PRKCB: variants seen among roughly 807,000 people sequenced by gnomAD.
PRKCB encodes protein kinase C beta, also known as protein kinase C beta type.
In PRKCB, 13 loss-of-function variants were observed where a neutral mutation model predicts 81.5. That is an observed-to-expected ratio of 0.16 (90% CI 0.10 to 0.25). The LOEUF (loss-of-function observed/expected upper bound fraction) is 0.25, where lower values mean the gene tolerates loss of function less well. Ranked by LOEUF, PRKCB falls within the 10% of genes least tolerant of loss-of-function variation. PRKCB has a pLI of 1.00. For synonymous variants in PRKCB, 335 were observed against 321.4 expected (o/e 1.04, Z -0.45); for missense variants, 509 against 875.7 (o/e 0.58, Z 5.29).
At chr16:24,212,453 T>A (rs1968155145) in intron 16 of PRKCB, among the ~76,000 whole-genome samples, 1 of 146,728 alleles carries the variant, frequency 6.8e-6, no homozygotes, top group Non-Finnish European at 1.5e-5. Context: ...CTCCTGTGCT[T>A]TTTTTTCCTT....
At chr16:24,110,132 A>AGAGGGAGAG (rs1234981446) in intron 7 of PRKCB, among the ~76,000 whole-genome samples, 2,847 of 38,722 alleles carry the variant, frequency 0.074, 32 homozygotes, top group Non-Finnish European at 0.1. Context: ...AGGGAGAGGG[A>AGAGGGAGAG]GAGGGAGAGG....
intron 10 of PRKCB, among the ~76,000 whole-genome samples, chr16:24,170,626 C>T (rs1345691552): frequency 6.6e-6 from 1 of 152,196 alleles, no homozygotes; most frequent in Non-Finnish European, 1.5e-5. Flanking sequence ...ATTGGTGTTG[C>T]CCAAGGGCCA....
At chr16:23,984,277 A>G (rs1476707361) in intron 2 of PRKCB, among the ~76,000 whole-genome samples, 2 of 152,222 alleles carry the variant, frequency 1.3e-5, no homozygotes, top group African/African-American at 4.8e-5. Flanking sequence ...AGTTCTGACA[A>G]CACCACTGTG....
chr16:23,875,543 T>C (rs1290904318), intron 2 of PRKCB, among the ~76,000 whole-genome samples: 2 of 52,840 alleles, frequency 3.8e-5, no homozygotes, highest in African/African-American at 7.9e-5. Context: ...ATCACACACA[T>C]ATGTATGTAT....
intron 7 of PRKCB, 30 bp downstream of exon 7, chr16:24,094,327 A>G (rs768076316): frequency 1.4e-5 from 22 of 1,610,210 alleles, no homozygotes; most frequent in Non-Finnish European, 1.8e-5. Flanking sequence ...GAAAGCTACC[A>G]TACAGCTTGC....
intron 3 of PRKCB, among the ~76,000 whole-genome samples, chr16:24,013,781 C>CAAAAAAAAA (rs35383807): frequency 7.2e-6 from 1 of 138,036 alleles, no homozygotes. Context: ...TGTGGAATTG[C>CAAAAAAAAA]AAAAAAAAAA....
chr16:24,193,464 T>TAAAAA (rs1555501771), intron 16 of PRKCB, among the ~76,000 whole-genome samples: 2 of 96,166 alleles, frequency 2.1e-5, no homozygotes, highest in East Asian at 2.9e-4. Context: ...AATAAATAAA[T>TAAAAA]AAATAAATAA....
At position 24,191,268 on chromosome 16, in the gene PRKCB, A is replaced by G. The variant is rs139864122; in HGVS notation, c.1863+38A>G. The G allele has an allele frequency of 2.0e-5, 33 of 1,611,922 alleles. No homozygotes were observed. The East Asian group carries it at 6.2e-4, about 30-fold the overall frequency. On this transcript the variant is annotated intron_variant, in intron 16 of 16. Transcript: ENST00000643927. ...TTCTCTCTGACTGCCGGGTATTCAC[A>G]CACAAGGTATTCTTGCCTGTGCCTC...
At chr16:23,844,078 AT>A (rs966037330) in intron 2 of PRKCB, among the ~76,000 whole-genome samples, 1 of 152,256 alleles carries the variant, frequency 6.6e-6, no homozygotes, top group Admixed American at 6.5e-5. Flanking sequence ...ATTACTAAGT[AT>A]AATTTAAAAT....
chr16:23,897,366 G>A (rs1452849796), intron 2 of PRKCB, among the ~76,000 whole-genome samples: 2 of 152,174 alleles, frequency 1.3e-5, no homozygotes, highest in African/African-American at 4.8e-5. Context: ...GTTTGCAAGG[G>A]CATTTTGAAT....
chr16:23,874,838 A>G (rs79059370), intron 2 of PRKCB, among the ~76,000 whole-genome samples: 1,973 of 152,296 alleles, frequency 0.013, 49 homozygotes, highest in African/African-American at 0.043. Flanking sequence ...TGATTCACAA[A>G]TACTTAATCT....
chr16:24,043,773 G>A (rs1162479199), intron 5 of PRKCB, among the ~76,000 whole-genome samples: 2 of 152,210 alleles, frequency 1.3e-5, no homozygotes, highest in African/African-American at 2.4e-5. Flanking sequence ...GCTCCCAAAT[G>A]TCTAGGGAAT....
chr16:23,920,993 G>A (rs184398509), intron 2 of PRKCB, among the ~76,000 whole-genome samples: 1 of 152,314 alleles, frequency 6.6e-6, no homozygotes, highest in Admixed American at 6.5e-5. Flanking sequence ...GTCTTACATG[G>A]TGGCAGGCAG....
chr16:24,014,675 A>C (rs2141839932), intron 3 of PRKCB, among the ~76,000 whole-genome samples: 1 of 152,368 alleles, frequency 6.6e-6, no homozygotes, highest in South Asian at 2.1e-4. Flanking sequence ...GGCTCATTAT[A>C]TTCAGCAAAC....
intron 5 of PRKCB, among the ~76,000 whole-genome samples, chr16:24,068,520 A>C (rs951693661): frequency 2.7e-5 from 4 of 150,822 alleles, no homozygotes; most frequent in African/African-American, 9.7e-5. Context: ...GACTTATCTT[A>C]ATTCTAATTC....
At chr16:23,953,479 C>T (rs1964310101) in intron 2 of PRKCB, among the ~76,000 whole-genome samples, 1 of 152,202 alleles carries the variant, frequency 6.6e-6, no homozygotes, top group African/African-American at 2.4e-5. Flanking sequence ...GTATCACACC[C>T]AGGGGCTCCT....
chr16:24,105,060 T>TTA (rs1555497031), intron 7 of PRKCB, among the ~76,000 whole-genome samples: 1 of 151,786 alleles, frequency 6.6e-6, no homozygotes, highest in African/African-American at 2.4e-5. Context: ...GTTGGATTTT[T>TTA]TTTTTTTTAT....
At chr16:23,837,214 C>A in intron 1 of PRKCB, 161 bp from the exon 2 acceptor site, 1 of 838,426 alleles carries the variant, frequency 1.2e-6, no homozygotes, top group Non-Finnish European at 2.0e-6. Context: ...CGAGCTCCCA[C>A]CTACCCCCAC....
chr16:24,189,466 G>A (rs1183981736), intron 15 of PRKCB, among the ~76,000 whole-genome samples: 2 of 151,696 alleles, frequency 1.3e-5, no homozygotes, highest in East Asian at 1.9e-4. Flanking sequence ...GTGAAACCCC[G>A]TCTCTACTAA....
Sources: allele counts gnomAD v4.1 joint callset (sites outside exome capture counted in the v4.1 genomes callset), GRCh38; gene constraint gnomAD v4.1.1; transcripts MANE v1.5; gene names NCBI Gene and HGNC (gene_info 2026-07-23, HGNC 2026-07-21).